The following SEMA3A variants were observed in gnomAD, a reference collection of about 807,000 sequenced individuals.
SEMA3A encodes the protein semaphorin 3A.
A neutral mutation model predicts 97.9 loss-of-function variants in SEMA3A; 29 were observed. That is an observed-to-expected ratio of 0.30 (90% CI 0.22 to 0.40). The LOEUF (loss-of-function observed/expected upper bound fraction) is 0.40, where lower values mean the gene tolerates loss of function less well. Ranked by LOEUF, SEMA3A falls within the 10% of genes least tolerant of loss-of-function variation. The pLI is 1.00. For synonymous variants in SEMA3A, 321 were observed against 323.7 expected (o/e 0.99, Z 0.09); for missense variants, 763 against 951.3 (o/e 0.80, Z 2.60).
At chr7:84,432,728 T>C (rs1805013987) in intron 1 of SEMA3A, among the ~76,000 whole-genome samples, 1 of 152,174 alleles carries the variant, frequency 6.6e-6, no homozygotes, top group Non-Finnish European at 1.5e-5. Context: ...TTCATTTCTT[T>C]TTGTGGCTGC....
At chr7:84,411,212 T>C (rs1189251379) in intron 1 of SEMA3A, among the ~76,000 whole-genome samples, 1 of 152,036 alleles carries the variant, frequency 6.6e-6, no homozygotes, top group Non-Finnish European at 1.5e-5. Context: ...AGGAAAAAAA[T>C]TGGTAGCGGT....
At chr7:84,192,196 A>G (rs1021775107) in intron 1 of SEMA3A, among the ~76,000 whole-genome samples, 2 of 151,972 alleles carry the variant, frequency 1.3e-5, no homozygotes, top group African/African-American at 2.4e-5. Flanking sequence ...TTTGACATCT[A>G]ATTAAGGAGA....
intron 6 of SEMA3A, among the ~76,000 whole-genome samples, chr7:84,034,831 C>T (rs1048999602): frequency 4.6e-5 from 7 of 151,734 alleles, no homozygotes; most frequent in Admixed American, 3.3e-4. Flanking sequence ...GAGTTGTTTG[C>T]GTAGGTACCT....
At chr7:84,336,909 A>C (rs1189011399) in intron 2 of SEMA3A, among the ~76,000 whole-genome samples, 1 of 152,092 alleles carries the variant, frequency 6.6e-6, no homozygotes, top group African/African-American at 2.4e-5. Context: ...CTTAAATATA[A>C]TTTTTCTAAG....
chr7:84,201,394 G>A (rs2116297242), intron 3 of SEMA3A, among the ~76,000 whole-genome samples: 1 of 152,142 alleles, frequency 6.6e-6, no homozygotes, highest in Middle Eastern at 3.4e-3. Context: ...TGCTTTTTAA[G>A]GGCACAGATT....
At chr7:84,464,526 C>T (rs193274524) in intron 1 of SEMA3A, among the ~76,000 whole-genome samples, 18 of 152,106 alleles carry the variant, frequency 1.2e-4, no homozygotes, top group African/African-American at 3.1e-4. Flanking sequence ...AATGAAAGAA[C>T]GAAAGAACTC....
intron 3 of SEMA3A, among the ~76,000 whole-genome samples, chr7:84,273,644 G>T (rs113023529): frequency 3.9e-5 from 6 of 152,254 alleles, no homozygotes; most frequent in Non-Finnish European, 5.9e-5. Flanking sequence ...AACATCTGTT[G>T]TAGGCAGCAT....
At position 84,060,557 on chromosome 7, in the gene SEMA3A, T is replaced by C; in HGVS notation, c.455A>G (p.Asp152Gly). Residue 152 changes from aspartate to glycine, a missense_variant and splice_region_variant, in exon 5 of 17, where the codon GAC (aspartate) becomes GGC (glycine). Asp to Gly is a moderately conservative substitution (Grantham distance 94). This residue lies in a region of SEMA3A where 678 missense variants were observed against 881.3 expected (regional missense o/e 0.77). Transcript: ENST00000265362. Reference protein sequence around the residue: ...TYIEIGHHPEDNIFKLENSHF... With the variant: ...TYIEIGHHPEGNIFKLENSHF... ...TGAGTTCTCCAGCTTAAAAATATTGTCCTGTGGATTTAAAAAAGAAAGAGA... is the reference window on the plus strand; with the variant it reads ...TGAGTTCTCCAGCTTAAAAATATTGCCCTGTGGATTTAAAAAAGAAAGAGA... 1 of 1,556,900 alleles carries C rather than the reference T, an allele frequency of 6.4e-7. No homozygotes were observed. Among genetic ancestry groups the C allele is most frequent in the Non-Finnish European group, 8.6e-7 (1 of 1,157,766 alleles).
chr7:84,492,452 C>T (rs1806758714), intron 1 of SEMA3A: 1 of 152,116 alleles, frequency 6.6e-6, no homozygotes, highest in African/African-American at 2.4e-5. Flanking sequence ...AAAATTTTTT[C>T]CACTTACTGC....
chr7:83,991,950 T>C (rs971650694), intron 12 of SEMA3A, among the ~76,000 whole-genome samples: 3 of 147,518 alleles, frequency 2.0e-5, no homozygotes, highest in African/African-American at 7.7e-5. Flanking sequence ...CATCTGGTCC[T>C]GGACTCTTTT....
intron 3 of SEMA3A, among the ~76,000 whole-genome samples, chr7:84,128,039 G>C (rs1045245467): frequency 4.6e-5 from 7 of 151,804 alleles, no homozygotes; most frequent in African/African-American, 1.7e-4. Context: ...ACTTTTCATG[G>C]TCTGTGCAAA....
chr7:84,032,760 T>A (rs557505837), intron 6 of SEMA3A, among the ~76,000 whole-genome samples: 22 of 151,646 alleles, frequency 1.5e-4, no homozygotes, highest in African/African-American at 3.4e-4. Flanking sequence ...AAATAATAAT[T>A]ATTTATTTAT....
chr7:84,467,332 C>G (rs1806026317), intron 1 of SEMA3A, among the ~76,000 whole-genome samples: 1 of 151,880 alleles, frequency 6.6e-6, no homozygotes, highest in Admixed American at 6.6e-5. Flanking sequence ...ACCATCCTGG[C>G]TAACACAGTA....
At chr7:84,487,925 G>A (rs971088294) in intron 1 of SEMA3A, among the ~76,000 whole-genome samples, 1 of 152,102 alleles carries the variant, frequency 6.6e-6, no homozygotes, top group East Asian at 1.9e-4. Flanking sequence ...TAGAAAATGA[G>A]TTGGGGTTGC....
At chr7:84,447,518 C>T (rs1368605544) in intron 1 of SEMA3A, among the ~76,000 whole-genome samples, 3 of 152,150 alleles carry the variant, frequency 2.0e-5, no homozygotes, top group Non-Finnish European at 2.9e-5. Context: ...TAAAACTCCC[C>T]GAACTCAGCT....
At chr7:84,285,970 C>CAAAAA (rs564063430) in intron 3 of SEMA3A, among the ~76,000 whole-genome samples, 1 of 70,152 alleles carries the variant, frequency 1.4e-5, no homozygotes, top group African/African-American at 4.5e-5. Context: ...GACCCCATCT[C>CAAAAA]AAAAAAAAAA....
chr7:84,022,954 A>G (rs1791384598), intron 6 of SEMA3A, among the ~76,000 whole-genome samples: 1 of 152,234 alleles, frequency 6.6e-6, no homozygotes, highest in African/African-American at 2.4e-5. Flanking sequence ...TAGTCATGAT[A>G]ACAGCAATAA....
chr7:84,055,669 G>A (rs921397490), intron 5 of SEMA3A, among the ~76,000 whole-genome samples: 5 of 152,184 alleles, frequency 3.3e-5, no homozygotes, highest in East Asian at 1.9e-4. Context: ...CGTCTTCTGC[G>A]TTGCTCACGC....
chr7:83,968,804 C>CTTTTTT (rs34837012), intron 15 of SEMA3A, among the ~76,000 whole-genome samples: 9 of 86,978 alleles, frequency 1.0e-4, no homozygotes, highest in South Asian at 3.8e-4. Flanking sequence ...CTTTTCTTTC[C>CTTTTTT]TTTTTTTTTT....
Sources: gnomAD v4.1 joint callset for allele counts (sites outside exome capture counted in the v4.1 genomes callset) on GRCh38, gnomAD v4.1.1 for gene constraint, gnomAD v4.1.1 regional missense constraint, MANE v1.5 for transcripts, NCBI Gene and HGNC (gene_info 2026-07-23, HGNC 2026-07-21) for gene names.